ZNF714: variants seen among roughly 807,000 people sequenced by gnomAD.
ZNF714 encodes the protein zinc finger protein 714.
Under a neutral mutation model 46.2 loss-of-function variants are expected in ZNF714, and 32 were observed. The observed-to-expected ratio is 0.69, with a 90% CI of 0.52 to 0.93. The LOEUF (loss-of-function observed/expected upper bound fraction) is 0.93, where lower values mean the gene tolerates loss of function less well. ZNF714 is among the 40% of genes least tolerant of loss of function. ZNF714 has a pLI of 0.00. For synonymous variants in ZNF714, 199 were observed against 213.1 expected (o/e 0.93, Z 0.58); for missense variants, 635 against 646.3 (o/e 0.98, Z 0.19).
chr19:21,101,957 C>T (rs1398044656), intron 4 of ZNF714, among the ~76,000 whole-genome samples: 1 of 152,192 alleles, frequency 6.6e-6, no homozygotes, highest in Non-Finnish European at 1.5e-5. Context: ...GGTCTCAAAG[C>T]TCTTCTAAAG....
intron 2 of ZNF714, among the ~76,000 whole-genome samples, chr19:21,097,528 T>C (rs1969071406): frequency 6.6e-6 from 1 of 152,220 alleles, no homozygotes; most frequent in Admixed American, 6.5e-5. Flanking sequence ...TTTATGTAGC[T>C]AATAAACTAT....
At chr19:21,114,109 T>C (rs1350577396) in intron 4 of ZNF714, among the ~76,000 whole-genome samples, 1 of 152,164 alleles carries the variant, frequency 6.6e-6, no homozygotes, top group Non-Finnish European at 1.5e-5. Context: ...TTTGTCTTTT[T>C]TGATCTTTGT....
intron 2 of ZNF714, among the ~76,000 whole-genome samples, chr19:21,087,263 A>G (rs1968806752): frequency 6.7e-6 from 1 of 149,698 alleles, no homozygotes; most frequent in Admixed American, 6.7e-5. Context: ...CGACAAGGAA[A>G]TTTGGTTAGC....
Position 21,123,651 on chromosome 19 carries a change from G to A in ZNF714, c.*5319G>A, listed in dbSNP as rs1438207710. Among the ~76,000 whole-genome samples the A allele has an allele frequency of 6.6e-6, 1 of 152,076 alleles. No individual in the cohort carries two copies. The highest frequency in any genetic ancestry group is 6.6e-5 in the Admixed American group (1 of 15,266). On this transcript the variant is annotated 3_prime_UTR_variant, in exon 5 of 5. Coordinates refer to ENST00000456283, the MANE Select transcript of ZNF714 (RefSeq NM_182515.4). ...ATTACAGGCATGAGCCACAGTGCCC[G>A]GCCACGAATTTAATTTTCTATGATA...
At chr19:21,087,998 C>T (rs965287746) in intron 2 of ZNF714, among the ~76,000 whole-genome samples, 2 of 152,146 alleles carry the variant, frequency 1.3e-5, no homozygotes, top group South Asian at 2.1e-4. Flanking sequence ...ACGTACTAGG[C>T]GTGGAGTCCA....
chr19:21,087,226 A>C (rs1329992655), intron 2 of ZNF714, among the ~76,000 whole-genome samples: 3 of 32,182 alleles, frequency 9.3e-5, no homozygotes, highest in Non-Finnish European at 3.4e-4. Context: ...TCTCAGCAAA[A>C]AAAAAAAAAA....
chr19:21,102,897 A>G (rs187150933), intron 4 of ZNF714, among the ~76,000 whole-genome samples: 22 of 152,264 alleles, frequency 1.4e-4, no homozygotes, highest in Middle Eastern at 3.4e-3. Flanking sequence ...AATTTTAGCC[A>G]ATTTGCAGTT....
At chr19:21,116,035 G>A (rs1969589435) in intron 4 of ZNF714, among the ~76,000 whole-genome samples, 1 of 151,120 alleles carries the variant, frequency 6.6e-6, no homozygotes, top group Non-Finnish European at 1.5e-5. Context: ...GCCCTATTTT[G>A]TATTCATTGT....
At chr19:21,082,536 C>T (rs1384379466) in intron 1 of ZNF714, among the ~76,000 whole-genome samples, 188 bp downstream of exon 1, 2 of 149,938 alleles carry the variant, frequency 1.3e-5, no homozygotes, top group African/African-American at 2.5e-5. Flanking sequence ...TGCGGGATCC[C>T]GGGCGTCCTG....
rs112082522 is a variant in ZNF714 at position 21,121,200 on chromosome 19, T to C, written c.*2868T>C. 6 of 151,952 alleles carry C rather than the reference T, an allele frequency of 3.9e-5. No individual in the cohort carries two copies. Among genetic ancestry groups the C allele is most frequent in the African/African-American group, 1.5e-4 (6 of 41,330 alleles). The allele number at this position is 151,952 out of a possible 1,614,324, so 9.4% of individuals were successfully genotyped here. A position where few individuals can be genotyped will look rare whatever the true frequency, so the allele number is the denominator to read the frequency against. ...GCGCCCACCACCATGCCCGGCTAATTTTTTGTATTTTTAGTAGAGATGGGG... is the reference window on the plus strand; with the variant it reads ...GCGCCCACCACCATGCCCGGCTAATCTTTTGTATTTTTAGTAGAGATGGGG... On this transcript the variant is annotated 3_prime_UTR_variant, in exon 5 of 5. Transcript: ENST00000456283.
intron 4 of ZNF714, among the ~76,000 whole-genome samples, chr19:21,104,896 G>A (rs1007708272): frequency 1.3e-5 from 2 of 151,940 alleles, no homozygotes; most frequent in African/African-American, 2.4e-5. Context: ...GATTACAGTC[G>A]TGAGGTGAGC....
chr19:21,084,765 A>T (rs556800599), intron 2 of ZNF714, among the ~76,000 whole-genome samples: 2 of 133,624 alleles, frequency 1.5e-5, no homozygotes, highest in African/African-American at 5.9e-5. Context: ...GTGCAGTGGT[A>T]TGATCTCGGC....
intron 2 of ZNF714, among the ~76,000 whole-genome samples, chr19:21,088,505 T>A (rs1212493843): frequency 6.6e-6 from 1 of 152,180 alleles, no homozygotes; most frequent in Non-Finnish European, 1.5e-5. Flanking sequence ...ATTTGGCAAA[T>A]CTAATATCTG....
Position 21,124,622 on chromosome 19 carries a change from G to A in ZNF714, c.*6290G>A, listed in dbSNP as rs747812648. Among the ~76,000 whole-genome samples, 4 of 152,112 alleles carry A rather than the reference G, an allele frequency of 2.6e-5. No homozygotes were observed. Among genetic ancestry groups the A allele is most frequent in the East Asian group, 1.9e-4 (1 of 5,196 alleles). On this transcript the variant is annotated 3_prime_UTR_variant, in exon 5 of 5. Coordinates refer to ENST00000456283, the MANE Select transcript of ZNF714 (RefSeq NM_182515.4). ...GTTAACATTTTTGTGGTGAGACCAC[G>A]TCTTATCATTTTTCAAAAATCCAAA... is the stretch of plus-strand genomic sequence containing the variant.
In ZNF714 at chr19:21,116,996, C is replaced by T. The variant is rs763096897; in HGVS notation, c.332C>T (p.Thr111Ile). Residue 111 changes from threonine (T) to isoleucine (I), a missense_variant, in exon 5 of 5, where the codon ACT becomes ATT. Transcript: ENST00000456283. Reference sequence around the variant, plus strand: ...AATGAACTAAACCAGTGTTTGACAACTACCCAGAGCAAAATATTTCCATGT... The same window carrying T: ...AATGAACTAAACCAGTGTTTGACAATTACCCAGAGCAAAATATTTCCATGT... ...GYNELNQCLT[T>I]TQSKIFPCDK... is the part of the protein sequence containing the mutation. 2 of 1,613,616 alleles carry T rather than the reference C, an allele frequency of 1.2e-6. No individual in the cohort carries two copies. The highest frequency in any genetic ancestry group is 2.2e-5 in the South Asian group (2 of 91,042).
intron 1 of ZNF714, among the ~76,000 whole-genome samples, chr19:21,083,604 T>G (rs1017846570): frequency 1.3e-5 from 2 of 152,214 alleles, no homozygotes. Context: ...TGTCTTTTAG[T>G]GTACTTTTGT....
Position 21,110,525 on chromosome 19 carries a change from G to C in ZNF714, c.143-6282G>C, listed in dbSNP as rs147083393. On this transcript the variant is annotated intron_variant, in intron 4 of 4. Coordinates refer to ENST00000456283, the MANE Select transcript of ZNF714 (RefSeq NM_182515.4). ...TGTCAGATGGATAGATTGCAAAAAT[G>C]TTCTCCCATTCTGTAGATTGTCTGT... Among the ~76,000 whole-genome samples the C allele has an allele frequency of 4.2e-3, 637 of 152,210 alleles. 6 individuals carry two copies. Among genetic ancestry groups the C allele is most frequent in the African/African-American group, 0.014 (585 of 41,536 alleles).
chr19:21,101,243 A>G (rs2144848349), intron 4 of ZNF714, among the ~76,000 whole-genome samples: 1 of 152,252 alleles, frequency 6.6e-6, no homozygotes, highest in South Asian at 2.1e-4. Flanking sequence ...CAACTCCTTA[A>G]GCTTTTGTTA....
In ZNF714 at chr19:21,082,321, C is replaced by A. The variant is rs755869791; in HGVS notation, c.-204C>A. Reference sequence around the variant, plus strand: ...GGTATTGAGAGATCCACAGCTAAGACGCCAGGTACCCCGGAAGCCTAGAAA... The same window carrying A: ...GGTATTGAGAGATCCACAGCTAAGAAGCCAGGTACCCCGGAAGCCTAGAAA... On this transcript the variant is annotated 5_prime_UTR_variant, in exon 1 of 5. Coordinates refer to ENST00000456283, the MANE Select transcript of ZNF714 (RefSeq NM_182515.4). 17 of 1,454,318 alleles carry A rather than the reference C, an allele frequency of 1.2e-5. No individual in the cohort carries two copies. In the South Asian group the frequency reaches 1.8e-4, roughly 15 times the overall value. 90.1% of individuals were successfully genotyped at this position (1,454,318 alleles called of 1,614,324 possible). A position where few individuals can be genotyped will look rare whatever the true frequency, so the allele number is the denominator to read the frequency against.
Sources: allele counts gnomAD v4.1 joint callset (sites outside exome capture counted in the v4.1 genomes callset), GRCh38; gene constraint gnomAD v4.1.1; transcripts MANE v1.5; gene names NCBI Gene and HGNC (gene_info 2026-07-23, HGNC 2026-07-21).